MAGI2: variants seen among roughly 807,000 people sequenced by gnomAD.
MAGI2 encodes membrane associated guanylate kinase, WW and PDZ domain containing 2.
Under a neutral mutation model 133.3 loss-of-function variants are expected in MAGI2, and 35 were observed. That is an observed-to-expected ratio of 0.26 (90% CI 0.20 to 0.35). The LOEUF (loss-of-function observed/expected upper bound fraction) is 0.35. Among genes scored for constraint, MAGI2 ranks in the 10% least tolerant of loss-of-function variants. The pLI is 1.00. For missense variants in MAGI2, 1,636 were observed against 1,863.4 expected, an observed-to-expected ratio of 0.88 and a Z score of 2.25; for synonymous variants, 729 against 710.6, an observed-to-expected ratio of 1.03 and a Z score of -0.41.
At chr7:78,022,032 C>G (rs1213102635) in intron 21 of MAGI2, among the ~76,000 whole-genome samples, 1 of 152,228 alleles carries the variant, frequency 6.6e-6, no homozygotes, top group African/African-American at 2.4e-5. Flanking sequence ...ATAAGGCAGT[C>G]ATTTCCAGGT....
intron 2 of MAGI2, among the ~76,000 whole-genome samples, chr7:78,685,115 G>T (rs939512676): frequency 8.5e-5 from 13 of 152,078 alleles, no homozygotes; most frequent in African/African-American, 3.1e-4. Context: ...TTTTCACAAT[G>T]GTGTCTCTTG....
intron 1 of MAGI2, among the ~76,000 whole-genome samples, chr7:79,171,490 T>A (rs1396584443): frequency 6.6e-6 from 1 of 151,714 alleles, no homozygotes; most frequent in Non-Finnish European, 1.5e-5. Flanking sequence ...GAGGATGACA[T>A]AATTTGATTC....
chr7:78,088,168 A>G (rs1816826855), intron 20 of MAGI2, among the ~76,000 whole-genome samples: 1 of 152,194 alleles, frequency 6.6e-6, no homozygotes, highest in Non-Finnish European at 1.5e-5. Flanking sequence ...AAAATGCGGG[A>G]TTATTATTAT....
intron 1 of MAGI2, among the ~76,000 whole-genome samples, chr7:79,114,600 T>A (rs540143897): frequency 1.5e-3 from 221 of 152,306 alleles, no homozygotes; most frequent in African/African-American, 5.2e-3. Flanking sequence ...ATAGTATCAA[T>A]CAAATCTACC....
intron 2 of MAGI2, among the ~76,000 whole-genome samples, chr7:78,772,702 C>A (rs972798750): frequency 6.6e-6 from 1 of 152,090 alleles, no homozygotes; most frequent in South Asian, 2.1e-4. Flanking sequence ...TGGAAAAGAT[C>A]CCATTTAAGC....
intron 2 of MAGI2, among the ~76,000 whole-genome samples, chr7:78,958,974 T>A (rs1460186728): frequency 6.6e-6 from 1 of 152,134 alleles, no homozygotes; most frequent in African/African-American, 2.4e-5. Context: ...GCTGAATGCC[T>A]CTCATACACG....
intron 10 of MAGI2, among the ~76,000 whole-genome samples, chr7:78,217,257 C>T (rs1273798318): frequency 2.0e-5 from 3 of 152,150 alleles, no homozygotes; most frequent in African/African-American, 7.2e-5. Flanking sequence ...AAAGTTTTTG[C>T]ATCTGTTACA....
intron 20 of MAGI2, among the ~76,000 whole-genome samples, chr7:78,091,337 C>T (rs1255751863): frequency 6.6e-6 from 1 of 151,954 alleles, no homozygotes; most frequent in African/African-American, 2.4e-5. Flanking sequence ...CCTCTCTTGC[C>T]CTTCTGCCAT....
intron 6 of MAGI2, among the ~76,000 whole-genome samples, chr7:78,447,354 A>G (rs1788251426): frequency 6.6e-6 from 1 of 151,804 alleles, no homozygotes. Context: ...TAAAGGGATT[A>G]CATTTTTTGT....
At chr7:78,935,814 C>A (rs1205810711) in intron 2 of MAGI2, among the ~76,000 whole-genome samples, 1 of 151,996 alleles carries the variant, frequency 6.6e-6, no homozygotes, top group Non-Finnish European at 1.5e-5. Flanking sequence ...AGGAAGGAGA[C>A]CATTAGCTTT....
intron 2 of MAGI2, among the ~76,000 whole-genome samples, chr7:78,896,748 T>C (rs1233189025): frequency 1.3e-5 from 2 of 151,864 alleles, no homozygotes; most frequent in Non-Finnish European, 2.9e-5. Context: ...TTTGTATTTT[T>C]AGTAGAGAAG....
At chr7:78,740,150 G>T (rs1822270793) in intron 2 of MAGI2, among the ~76,000 whole-genome samples, 1 of 149,994 alleles carries the variant, frequency 6.7e-6, no homozygotes, top group South Asian at 2.1e-4. Flanking sequence ...GACAGAGCCA[G>T]ACTCTGTCTA....
chr7:78,477,305 C>T (rs1417764210), intron 6 of MAGI2, among the ~76,000 whole-genome samples: 2 of 151,828 alleles, frequency 1.3e-5, no homozygotes, highest in Admixed American at 6.6e-5. Flanking sequence ...ATTGTGAAGG[C>T]ATAGAAAACA....
At chr7:79,231,927 G>T (rs1160472403) in intron 1 of MAGI2, among the ~76,000 whole-genome samples, 2 of 152,012 alleles carry the variant, frequency 1.3e-5, no homozygotes, top group African/African-American at 2.4e-5. Context: ...GCTGGCTGTG[G>T]GTTTGTCATA....
chr7:78,515,899 C>CAA (rs896231637), intron 4 of MAGI2, among the ~76,000 whole-genome samples: 1 of 145,082 alleles, frequency 6.9e-6, no homozygotes, highest in African/African-American at 2.5e-5. Context: ...AACTCTATCT[C>CAA]AAAAAAAAAA....
intron 1 of MAGI2, among the ~76,000 whole-genome samples, chr7:79,245,404 C>T (rs1044513268): frequency 3.3e-5 from 5 of 152,172 alleles, no homozygotes; most frequent in Admixed American, 6.5e-5. Flanking sequence ...GCCTGCTACC[C>T]TGAAGGGGGC....
chr7:78,957,519 A>G (rs903688046), intron 2 of MAGI2, among the ~76,000 whole-genome samples: 2 of 152,128 alleles, frequency 1.3e-5, no homozygotes, highest in Non-Finnish European at 2.9e-5. Flanking sequence ...AATTTACTAT[A>G]TGTATATGTA....
intron 10 of MAGI2, among the ~76,000 whole-genome samples, chr7:78,207,542 C>A (rs1787224740): frequency 6.6e-6 from 1 of 152,184 alleles, no homozygotes. Flanking sequence ...GAGTCATGAG[C>A]TAATTTCCAT....
In MAGI2 at chr7:79,126,463, G is replaced by T. The variant is rs535382272; in HGVS notation, c.302-119257C>A. Among the ~76,000 whole-genome samples the T allele has an allele frequency of 5.3e-4, 80 of 152,156 alleles. 2 individuals carry two copies. The highest frequency in any genetic ancestry group is 6.8e-3 in the Middle Eastern group (2 of 294). On this transcript the variant is annotated intron_variant, in intron 1 of 21. Coordinates refer to ENST00000354212, the MANE Select transcript of MAGI2 (RefSeq NM_012301.4). Reference sequence around the variant, plus strand: ...CTCTTACTCATTTACGCTAATGGAGGCAATGTGATGGGAGAATAAAGCCAA... The same window carrying T: ...CTCTTACTCATTTACGCTAATGGAGTCAATGTGATGGGAGAATAAAGCCAA...
Sources: gnomAD v4.1 joint callset for allele counts (sites outside exome capture counted in the v4.1 genomes callset) on GRCh38, gnomAD v4.1.1 for gene constraint, MANE v1.5 for transcripts, NCBI Gene and HGNC (gene_info 2026-07-23, HGNC 2026-07-21) for gene names.